KALRN: variants seen among roughly 807,000 people sequenced by gnomAD.
The protein encoded by KALRN is kalirin RhoGEF kinase.
A neutral mutation model predicts 353.7 loss-of-function variants in KALRN; 70 were observed. That is an observed-to-expected ratio of 0.20 (90% confidence interval 0.16 to 0.24). The LOEUF is 0.24. Ranked by LOEUF, KALRN falls within the 10% of genes least tolerant of loss-of-function variation. The pLI is 1.00. For missense variants in KALRN, 2,791 were observed against 3,756.7 expected, an observed-to-expected ratio of 0.74 and a Z score of 6.72; for synonymous variants, 1,391 against 1,434.8, an observed-to-expected ratio of 0.97 and a Z score of 0.69.
chr3:124,531,820 G>A (rs1371795083), intron 33 of KALRN, among the ~76,000 whole-genome samples: 1 of 152,124 alleles, frequency 6.6e-6, no homozygotes, highest in Non-Finnish European at 1.5e-5. Context: ...TGAGATTTGG[G>A]CAGGGACACA....
intron 25 of KALRN, among the ~76,000 whole-genome samples, chr3:124,471,264 T>TATC (rs2060872230): frequency 7.4e-6 from 1 of 134,648 alleles, no homozygotes; most frequent in African/African-American, 3.0e-5. Flanking sequence ...GTTTTATTAT[T>TATC]ATTATTATTA....
chr3:124,493,000 C>T (rs2063334279), intron 32 of KALRN, 118 bp downstream of exon 32: 2 of 1,121,534 alleles, frequency 1.8e-6, no homozygotes, highest in Admixed American at 2.4e-5. Flanking sequence ...TCCAGGAAGG[C>T]CTGTGAGTTC....
chr3:124,142,068 C>T (rs2066690884), intron 1 of KALRN, among the ~76,000 whole-genome samples: 1 of 152,166 alleles, frequency 6.6e-6, no homozygotes, highest in Non-Finnish European at 1.5e-5. Flanking sequence ...TCTCCCTCTC[C>T]CCTCCATTCT....
At chr3:124,629,952 C>T (rs1014990887) in intron 34 of KALRN, among the ~76,000 whole-genome samples, 2 of 152,076 alleles carry the variant, frequency 1.3e-5, no homozygotes, top group East Asian at 1.9e-4. Context: ...ATAATTATTA[C>T]TTAGGAATTT....
intron 1 of KALRN, among the ~76,000 whole-genome samples, chr3:124,171,241 A>G (rs1245307393): frequency 1.3e-5 from 2 of 152,166 alleles, no homozygotes; most frequent in African/African-American, 4.8e-5. Flanking sequence ...TGGCTTAGCT[A>G]CTTGGGTTGG....
At chr3:124,542,748 A>G (rs1396686160) in intron 33 of KALRN, among the ~76,000 whole-genome samples, 1 of 152,222 alleles carries the variant, frequency 6.6e-6, no homozygotes, top group African/African-American at 2.4e-5. Flanking sequence ...TAGAGAGGTT[A>G]ATTGACTTCC....
intron 49 of KALRN, chr3:124,677,654 G>A (rs1201043048): frequency 4.4e-6 from 2 of 453,872 alleles, no homozygotes; most frequent in East Asian, 1.4e-4. Flanking sequence ...GTCTGCCACA[G>A]AAAATCCTGT....
rs1368148974 is a variant in KALRN at position 124,286,162 on chromosome 3, G to GTCTT, written c.970-12617_970-12614dup. 3.3e-5 allele frequency among the ~76,000 whole-genome samples: 4 copies of GTCTT among 121,282 alleles called. No individual in the cohort carries two copies. The South Asian group carries it at 9.9e-4, about 30-fold the overall frequency. The allele number at this position is 121,282 out of a possible 152,430, so 79.6% of individuals were successfully genotyped here. On this transcript the variant is annotated intron_variant, in intron 5 of 59. Coordinates refer to ENST00000682506, the MANE Select transcript of KALRN (RefSeq NM_001388419.1). Reference sequence around the variant, plus strand: ...TTCCTTTCTTTCTTTCCTTTCTTTCGTCTTTCTTTCTTTCTCTTTCTTCCT... The same window carrying GTCTT: ...TTCCTTTCTTTCTTTCCTTTCTTTCGTCTTTCTTTCTTTCTTTCTCTTTCTTCCT...
chr3:124,441,894 G>A, intron 18 of KALRN, 51 bp from the exon 19 acceptor site: 1 of 1,167,308 alleles, frequency 8.6e-7, no homozygotes, highest in African/African-American at 1.6e-5. Flanking sequence ...CCATTGTCTT[G>A]GATTCCATAC....
chr3:124,661,561 G>C (rs538305207), intron 44 of KALRN, among the ~76,000 whole-genome samples: 2 of 152,240 alleles, frequency 1.3e-5, no homozygotes, highest in Non-Finnish European at 1.5e-5. Flanking sequence ...ATCTGAGAAG[G>C]CAAGGGAATT....
At chr3:124,555,520 C>T (rs1201246214) in intron 33 of KALRN, among the ~76,000 whole-genome samples, 1 of 151,756 alleles carries the variant, frequency 6.6e-6, no homozygotes, top group African/African-American at 2.4e-5. Flanking sequence ...TGTGTCTCCC[C>T]CCACTAACAC....
intron 5 of KALRN, among the ~76,000 whole-genome samples, chr3:124,273,313 A>G (rs537809248): frequency 1.3e-5 from 2 of 152,266 alleles, no homozygotes; most frequent in South Asian, 4.1e-4. Context: ...AAAGCAAGTC[A>G]CTCATTCATT....
rs201588187 is a variant in KALRN, at chr3:124,349,458, ATT to A, written c.1770+2201_1770+2202del. On this transcript the variant is annotated intron_variant, in intron 10 of 59. Transcript: ENST00000682506. Reference sequence around the variant, plus strand: ...TTAAAACATTATGATTTTTTTTGCAATTTTTTTTTAGCTCATCAGCTATCATT... The same window carrying A: ...TTAAAACATTATGATTTTTTTTGCAATTTTTTTAGCTCATCAGCTATCATT... 4.0e-5 allele frequency among the ~76,000 whole-genome samples: 6 copies of A among 151,338 alleles called. No individual in the cohort carries two copies. The South Asian group carries it at 1.3e-3, about 32-fold the overall frequency.
intron 3 of KALRN, among the ~76,000 whole-genome samples, chr3:124,258,766 A>G (rs1046091147): frequency 2.0e-5 from 3 of 152,248 alleles, no homozygotes; most frequent in Middle Eastern, 3.2e-3. Context: ...AGAATTTCAT[A>G]TATGTATGAA....
At chr3:124,197,893 C>G (rs745591352) in intron 1 of KALRN, among the ~76,000 whole-genome samples, 24 of 152,210 alleles carry the variant, frequency 1.6e-4, no homozygotes, top group Non-Finnish European at 2.6e-4. Context: ...CCTTCAGCTG[C>G]TCTCCGATGG....
rs553219519 is a variant in KALRN, at chr3:124,033,430, G to A, written c.-311G>A. 1.3e-5 allele frequency among the ~76,000 whole-genome samples: 2 copies of A among 151,898 alleles called. No individual in the cohort carries two copies. Among genetic ancestry groups the A allele is most frequent in the South Asian group, 4.1e-4 (2 of 4,824 alleles). On this transcript the variant is annotated 5_prime_UTR_variant, in exon 1 of 60. Transcript: ENST00000682506. This position sits in a 1 kb window ranked among gnomAD's most constrained non-coding sequence, Gnocchi z 6.2. ...CTGCCGCTGCTGGGGGACAGCGGGC[G>A]CCCAGGCAGCCCGCACCCCGGCCCC...
intron 2 of KALRN, among the ~76,000 whole-genome samples, chr3:124,229,456 C>T (rs935807201): frequency 6.6e-6 from 1 of 152,208 alleles, no homozygotes; most frequent in African/African-American, 2.4e-5. Context: ...GTGCTTATAC[C>T]ACATGGACCA....
intron 1 of KALRN, among the ~76,000 whole-genome samples, chr3:124,190,094 C>G (rs2074725539): frequency 6.6e-6 from 1 of 152,220 alleles, no homozygotes; most frequent in Non-Finnish European, 1.5e-5. Context: ...TAATTAGAAG[C>G]AGGTCAGATC....
chr3:124,162,310 G>C (rs1283996750), intron 1 of KALRN: 1 of 152,172 alleles, frequency 6.6e-6, no homozygotes, highest in Admixed American at 6.6e-5. Context: ...AGAGCTCACT[G>C]CCTTAATGTG....
Sources: gnomAD v4.1 joint callset for allele counts (sites outside exome capture counted in the v4.1 genomes callset) on GRCh38, gnomAD v4.1.1 for gene constraint, Gnocchi (gnomAD v3.1) non-coding constraint, MANE v1.5 for transcripts, NCBI Gene and HGNC (gene_info 2026-07-23, HGNC 2026-07-21) for gene names.